TTN: variants seen among roughly 807,000 people sequenced by gnomAD.
The protein encoded by TTN is titin, also known as connectin.
TTN carries 1,525 observed loss-of-function variants against 3,223.0 expected under a neutral mutation model. The ratio of observed to expected loss-of-function variants is 0.47; its 90% CI spans 0.45 to 0.49. TTN has a LOEUF of 0.49. Ranked by LOEUF, TTN falls within the 20% of genes least tolerant of loss-of-function variation. The pLI, the probability that TTN is intolerant of heterozygous loss-of-function variation, is 0.00. For synonymous variants in TTN, 14,094 were observed against 15,161.0 expected (o/e 0.93, Z 5.17); for missense variants, 40,786 against 43,424.0 (o/e 0.94, Z 5.40).
chr2:178,744,460 G>A (rs1205283562), intron 47 of TTN: 2 of 877,980 alleles, frequency 2.3e-6, no homozygotes, highest in Non-Finnish European at 2.7e-6. Context: ...TTAGTATATA[G>A]GTAAGATATT....
chr2:178,701,296 A>G, intron 110 of TTN, 93 bp from the exon 111 acceptor site: 2 of 1,168,398 alleles, frequency 1.7e-6, no homozygotes, highest in South Asian at 3.2e-5. Flanking sequence ...TCAGTACTTC[A>G]TAGGTATTAT....
At chr2:178,540,401 A>G in intron 350 of TTN, 31 bp from the exon 351 acceptor site, 1 of 1,546,220 alleles carries the variant, frequency 6.5e-7, no homozygotes, top group East Asian at 2.3e-5. Flanking sequence ...ATACTGGTTA[A>G]AGTTGCTGCA....
Position 178,562,857 on chromosome 2 carries a change from CA to C in TTN, c.83274del (p.Phe27758LeufsTer14). ...GGTGAGTCAAGAACTCTGACGTTAA[CA>C]AAAGCTGTTTTGGAGCCACTATTAT... ...LENNSGSKTA[F>X]VNVRVLDSPS... On this transcript the variant is annotated frameshift_variant, in exon 326 of 363. Transcript: ENST00000589042. LOFTEE classifies it high-confidence loss of function. The C allele has an allele frequency of 6.2e-7, 1 of 1,612,934 alleles. No homozygotes were observed. The highest frequency in any genetic ancestry group is 8.5e-7 in the Non-Finnish European group (1 of 1,179,430).
In TTN at chr2:178,652,649, A is replaced by G. The variant is rs2063256186; in HGVS notation, c.39043+4T>C. 6.2e-7 allele frequency: 1 copy of G among 1,612,908 alleles called. No individual in the cohort carries two copies. Among genetic ancestry groups the G allele is most frequent in the Admixed American group, 1.7e-5 (1 of 59,940 alleles). ...TTCTGACGCTTAAACTCAATGACAA[A>G]TACCTTTAACAGGTGGGACTTCAGG... On this transcript the variant is annotated splice_donor_region_variant and intron_variant, in intron 201 of 362. Transcript: ENST00000589042.
At chr2:178,744,572 C>G in intron 47 of TTN, 1 of 910,846 alleles carries the variant, frequency 1.1e-6, no homozygotes, top group Non-Finnish European at 1.3e-6. Flanking sequence ...GCTTATTAAG[C>G]TATATTCGTT....
chr2:178,641,417 A>G (rs537137708), intron 219 of TTN, 102 bp from the exon 220 acceptor site: 6 of 716,410 alleles, frequency 8.4e-6, no homozygotes, highest in African/African-American at 7.6e-5. Flanking sequence ...GAAAATGAAA[A>G]AAAGCATGCT....
At chr2:178,724,628 A>AAAC (rs2079022165) in intron 71 of TTN, 90 bp from the exon 72 acceptor site, 1 of 1,368,264 alleles carries the variant, frequency 7.3e-7, no homozygotes, top group African/African-American at 1.5e-5. Context: ...TCTCCCAGTG[A>AAAC]GATGGTTATG....
Position 178,758,989 on chromosome 2 carries a change from A to C in TTN, c.10298T>G (p.Leu3433Arg). 6.2e-7 allele frequency: 1 copy of C among 1,614,046 alleles called. No individual in the cohort carries two copies. The highest frequency in any genetic ancestry group is 8.5e-7 in the Non-Finnish European group (1 of 1,179,932). The change falls in exon 44 of 363, where the codon CTG becomes CGG. Residue 3433 changes from leucine to arginine, a missense_variant. Physicochemically the swap from Leu to Arg is moderately radical, Grantham distance 102. Coordinates refer to ENST00000589042, the MANE Select transcript of TTN (RefSeq NM_001267550.2). The stretch of plus-strand genomic sequence containing the variant: ...TGAAAGTTGTTTTACTTTACCTTCC[A>C]GACTCAGGTTGGCTGTGCTTGATAC... ...GQVSSTANLS[L>R]EGFSKFEENT... is the part of the protein sequence containing the mutation.
chr2:178,604,933 A>C, intron 280 of TTN, 35 bp from the exon 281 acceptor site: 1 of 1,600,746 alleles, frequency 6.2e-7, no homozygotes, highest in Non-Finnish European at 8.5e-7. Flanking sequence ...TTGAGAAGGC[A>C]ATTCTTAAAC....
At chr2:178,689,239 C>CA in intron 124 of TTN, 51 bp downstream of exon 124, 1 of 1,600,112 alleles carries the variant, frequency 6.2e-7, no homozygotes, top group South Asian at 1.1e-5. Flanking sequence ...ACAAAACTAA[C>CA]AAAATCACTG....
intron 144 of TTN, 44 bp downstream of exon 144, chr2:178,678,370 G>T (rs2068570928): frequency 6.5e-7 from 1 of 1,534,262 alleles, no homozygotes; most frequent in African/African-American, 1.4e-5. Context: ...ATACATAGAT[G>T]TGAGTTTTTT....
In TTN at chr2:178,559,699, G is replaced by A. The variant is rs1379492231; in HGVS notation, c.86433C>T (p.Thr28811=). The A allele has an allele frequency of 6.2e-7, 1 of 1,607,868 alleles. No homozygotes were observed. Among genetic ancestry groups the A allele is most frequent in the African/African-American group, 1.3e-5 (1 of 74,910 alleles). Residue 28811 remains threonine (T), a synonymous_variant, in exon 326 of 363, where the codon ACC becomes ACT. Transcript: ENST00000589042. ...VDTTDSRTSL[T]IENANRNDSG... ...AGTCATTTCTGTTGGCATTTTCAAT[G>A]GTCAGTGATGTACGAGAGTCTGTGG...
chr2:178,733,873 C>G lies in TTN; in HGVS notation c.15516G>C (p.Lys5172Asn). 2 of 1,599,700 alleles carry G rather than the reference C, an allele frequency of 1.3e-6. No individual in the cohort carries two copies. Among genetic ancestry groups the G allele is most frequent in the Non-Finnish European group, 8.5e-7 (1 of 1,170,060 alleles). Residue 5172 changes from lysine (K) to asparagine (N), a missense_variant, in exon 53 of 363, where the codon AAG becomes AAC. Coordinates refer to ENST00000589042, the MANE Select transcript of TTN (RefSeq NM_001267550.2). ...CTAGTGCAATCAAATCATCTACTTT[C>G]TTTACAAAGGTTGGAGGTTCTAGTT... The part of the protein sequence containing the change: ...HLLKEPPTFV[K>N]KVDDLIALGG...
intron 240 of TTN, among the ~76,000 whole-genome samples, chr2:178,627,118 A>G (rs1326823320): frequency 6.6e-6 from 1 of 152,004 alleles, no homozygotes; most frequent in African/African-American, 2.4e-5. Flanking sequence ...GCTTATGACC[A>G]TGACAAAACT....
In TTN at chr2:178,595,419, C is replaced by T. The variant is rs140379045; in HGVS notation, c.57847+88G>A. 133 of 1,257,238 alleles carry T rather than the reference C, an allele frequency of 1.1e-4. 1 individual carries two copies. The highest frequency in any genetic ancestry group is 6.1e-4 in the South Asian group (43 of 70,732). 77.9% of individuals were successfully genotyped at this position (1,257,238 alleles called of 1,614,324 possible). A position where few individuals can be genotyped will look rare whatever the true frequency, so the allele number is the denominator to read the frequency against. ...CTGCTTGTCAAGTGAATGAAATGTACGGCATTTATACACATATTTTTTCAC... is the reference window on the plus strand; with the variant it reads ...CTGCTTGTCAAGTGAATGAAATGTATGGCATTTATACACATATTTTTTCAC... On this transcript the variant is annotated intron_variant, in intron 295 of 362. Transcript: ENST00000589042.
chr2:178,630,337 G>A lies in TTN; in HGVS notation c.44185C>T (p.His14729Tyr). The change falls in exon 239 of 363, where the codon CAC becomes TAC. Residue 14729 changes from histidine (H) to tyrosine (Y), a missense_variant. Physicochemically the swap from His to Tyr is moderately conservative, Grantham distance 83. Transcript: ENST00000589042. ...DCEIKEEGKI[H>Y]SLVLHNCRLD... is the part of the protein sequence containing the mutation. ...CGACAGTTGTGCAAAACAAGGGAGT[G>A]TATTTTGCCTTCTTCCTTAATTTCA... 1 of 1,610,856 alleles carries A rather than the reference G, an allele frequency of 6.2e-7. No homozygotes were observed. Among genetic ancestry groups the A allele is most frequent in the Non-Finnish European group, 8.5e-7 (1 of 1,178,922 alleles).
chr2:178,602,151 CTG>C lies in TTN; in HGVS notation c.55121-3_55121-2del. ...ATGTCAATGAAAACTTCTGGTTCCT[CTG>C]TAATACCACATACAATTTAACAGGA... On this transcript the variant is annotated splice_acceptor_variant and splice_polypyrimidine_tract_variant and intron_variant, in intron 283 of 362. Transcript: ENST00000589042. LOFTEE classifies it high-confidence loss of function. The C allele has an allele frequency of 1.9e-6, 3 of 1,602,188 alleles. No individual in the cohort carries two copies. Among genetic ancestry groups the C allele is most frequent in the Non-Finnish European group, 2.6e-6 (3 of 1,174,376 alleles).
At position 178,548,462 on chromosome 2, in the gene TTN, T is replaced by A; in HGVS notation, c.93164A>T (p.Lys31055Ile). 6.2e-7 allele frequency: 1 copy of A among 1,613,824 alleles called. No individual in the cohort carries two copies. Among genetic ancestry groups the A allele is most frequent in the Non-Finnish European group, 8.5e-7 (1 of 1,179,798 alleles). ...CCAACTACGGCGACTTGCCTCTCGT[T>A]TCTCTACCACATAATGATGGATTCG... Reference protein sequence around the residue: ...GARIHHYVVEKREASRRSWQV... With the variant: ...GARIHHYVVEIREASRRSWQV... The change falls in exon 339 of 363, where the codon AAA becomes ATA. Residue 31055 changes from lysine to isoleucine, a missense_variant. Physicochemically the swap from Lys to Ile is moderately radical, Grantham distance 102 (BLOSUM62 -3). Transcript: ENST00000589042. This position sits in a 1 kb window ranked among gnomAD's most constrained non-coding sequence, Gnocchi z 4.3.
chr2:178,608,953 G>A, intron 273 of TTN, 45 bp from the exon 274 acceptor site: 1 of 1,578,788 alleles, frequency 6.3e-7, no homozygotes, highest in Admixed American at 1.8e-5. Context: ...TGTGTGGGAA[G>A]GGTTGCTATG....
Sources: gnomAD v4.1 joint callset for allele counts (sites outside exome capture counted in the v4.1 genomes callset) on GRCh38, gnomAD v4.1.1 for gene constraint, Gnocchi (gnomAD v3.1) non-coding constraint, MANE v1.5 for transcripts, NCBI Gene and HGNC (gene_info 2026-07-23, HGNC 2026-07-21) for gene names.